Variants in TMEM132C observed in about 807,000 individuals in gnomAD.
The protein encoded by TMEM132C is protein phosphatase 1, regulatory subunit 152.
A neutral mutation model predicts 61.4 loss-of-function variants in TMEM132C; 29 were observed. The observed-to-expected ratio is 0.47, with a 90% CI of 0.35 to 0.64. TMEM132C has a LOEUF of 0.64. Ranked by LOEUF, TMEM132C falls within the 30% of genes least tolerant of loss-of-function variation. The pLI, the probability that TMEM132C is intolerant of heterozygous loss-of-function variation, is 0.00. For synonymous variants in TMEM132C, 656 were observed against 633.1 expected, an observed-to-expected ratio of 1.04 and a Z score of -0.54; for missense variants, 1,408 against 1,476.9, an observed-to-expected ratio of 0.95 and a Z score of 0.76.
chr12:128,461,216 C>T (rs775073593), intron 2 of TMEM132C, among the ~76,000 whole-genome samples: 46 of 152,140 alleles, frequency 3.0e-4, no homozygotes, highest in Non-Finnish European at 5.4e-4. Flanking sequence ...TTAAAATCTA[C>T]ATGTTCTGAT....
chr12:128,291,241 A>C (rs1348358972), intron 1 of TMEM132C, among the ~76,000 whole-genome samples: 1 of 152,258 alleles, frequency 6.6e-6, no homozygotes, highest in Non-Finnish European at 1.5e-5. Context: ...CAAACCTCCC[A>C]GGAGTCATGA....
chr12:128,524,116 GTAC>G (rs771037352), intron 2 of TMEM132C, among the ~76,000 whole-genome samples: 20 of 151,948 alleles, frequency 1.3e-4, no homozygotes, highest in Admixed American at 2.6e-4. Context: ...CCATTTCTCT[GTAC>G]TACAACAACA....
chr12:128,301,509 A>G (rs1871594452), intron 1 of TMEM132C, among the ~76,000 whole-genome samples: 3 of 152,192 alleles, frequency 2.0e-5, no homozygotes, highest in Admixed American at 6.5e-5. Flanking sequence ...TCTAACATCT[A>G]CAAATGACTG....
intron 1 of TMEM132C, among the ~76,000 whole-genome samples, chr12:128,384,080 A>C (rs1874500639): frequency 6.6e-6 from 1 of 152,212 alleles, no homozygotes; most frequent in Non-Finnish European, 1.5e-5. Context: ...CAAATCCTAC[A>C]AAACAAAAAG....
chr12:128,612,542 A>C (rs1876670398), intron 3 of TMEM132C, among the ~76,000 whole-genome samples: 1 of 152,216 alleles, frequency 6.6e-6, no homozygotes, highest in Non-Finnish European at 1.5e-5. Flanking sequence ...AAGTTGATGC[A>C]AACACACTTT....
intron 3 of TMEM132C, among the ~76,000 whole-genome samples, chr12:128,598,572 C>T (rs78113935): frequency 1.5e-3 from 235 of 152,174 alleles, no homozygotes; most frequent in African/African-American, 5.5e-3. Flanking sequence ...GCACATTGCA[C>T]CCCCAGACCA....
intron 2 of TMEM132C, among the ~76,000 whole-genome samples, chr12:128,517,913 G>A (rs933299833): frequency 6.6e-6 from 1 of 152,158 alleles, no homozygotes; most frequent in Non-Finnish European, 1.5e-5. Flanking sequence ...TCCAAAAGGG[G>A]ACATGTCAGC....
intron 1 of TMEM132C, among the ~76,000 whole-genome samples, chr12:128,390,762 C>T (rs1025717244): frequency 6.6e-6 from 1 of 152,190 alleles, no homozygotes; most frequent in African/African-American, 2.4e-5. Context: ...AAATGGGTCA[C>T]AGCCTGGGAA....
chr12:128,304,928 G>A (rs920008847), intron 1 of TMEM132C, among the ~76,000 whole-genome samples: 1 of 152,166 alleles, frequency 6.6e-6, no homozygotes. Context: ...TTCTGACCTG[G>A]CAATGACATG....
intron 1 of TMEM132C, among the ~76,000 whole-genome samples, chr12:128,270,234 G>A (rs12297918): frequency 0.01 from 1,548 of 152,292 alleles, 26 homozygotes; most frequent in African/African-American, 0.035. Flanking sequence ...TCTGAAATCT[G>A]TGGGGGCAAA....
rs559234678 is a variant in TMEM132C, at chr12:128,390,788, C to T, written c.86-23944C>T. ...AGCCTGGGAAGAGCGAAGCCGGGAG[C>T]CCAAGAAAAGGCTGTGGCGCTGTCC... On this transcript the variant is annotated intron_variant, in intron 1 of 8. Transcript: ENST00000435159. Among the ~76,000 whole-genome samples the T allele has an allele frequency of 7.2e-5, 11 of 152,260 alleles. No homozygotes were observed. The East Asian group carries it at 1.9e-3, about 27-fold the overall frequency.
chr12:128,624,628 T>TTTGC (rs1953998544), intron 4 of TMEM132C, among the ~76,000 whole-genome samples: 1 of 151,592 alleles, frequency 6.6e-6, no homozygotes, highest in South Asian at 2.1e-4. Context: ...CTCAGAAACC[T>TTTGC]TTGCTTGGCA....
intron 3 of TMEM132C, among the ~76,000 whole-genome samples, chr12:128,544,352 G>A (rs1217728216): frequency 6.6e-6 from 1 of 152,266 alleles, no homozygotes; most frequent in Admixed American, 6.5e-5. Context: ...TCTCTGCTCT[G>A]ATAGGGCTTG....
intron 1 of TMEM132C, among the ~76,000 whole-genome samples, chr12:128,284,942 C>G (rs1375997769): frequency 6.6e-6 from 1 of 152,080 alleles, no homozygotes; most frequent in Admixed American, 6.5e-5. Context: ...TCAAGACCAG[C>G]CTAGGCAATG....
At chr12:128,454,497 AG>A (rs1870279787) in intron 2 of TMEM132C, among the ~76,000 whole-genome samples, 1 of 152,214 alleles carries the variant, frequency 6.6e-6, no homozygotes, top group African/African-American at 2.4e-5. Context: ...GAAATATAGA[AG>A]GTTAAAATGA....
intron 2 of TMEM132C, among the ~76,000 whole-genome samples, chr12:128,471,006 G>A (rs1473462097): frequency 6.6e-6 from 1 of 152,046 alleles, no homozygotes; most frequent in African/African-American, 2.4e-5. Context: ...TTTGAATCAG[G>A]GTTTCTCAAC....
chr12:128,356,515 A>G (rs555587930), intron 1 of TMEM132C, among the ~76,000 whole-genome samples: 2 of 152,372 alleles, frequency 1.3e-5, no homozygotes, highest in East Asian at 3.9e-4. Flanking sequence ...CTCTCTGAGC[A>G]GCAATAGCTC....
chr12:128,675,681 T>C (rs529515814), intron 5 of TMEM132C, among the ~76,000 whole-genome samples: 2 of 152,126 alleles, frequency 1.3e-5, no homozygotes, highest in South Asian at 4.2e-4. Flanking sequence ...GGTAGATGGA[T>C]AGATGGATGG....
At chr12:128,636,145 G>T (rs1216811973) in intron 4 of TMEM132C, among the ~76,000 whole-genome samples, 1 of 151,898 alleles carries the variant, frequency 6.6e-6, no homozygotes, top group Non-Finnish European at 1.5e-5. Context: ...TGACCTCCTG[G>T]GCTCAAGCAA....
Sources: allele counts gnomAD v4.1 joint callset (sites outside exome capture counted in the v4.1 genomes callset), GRCh38; gene constraint gnomAD v4.1.1; transcripts MANE v1.5; gene names NCBI Gene and HGNC (gene_info 2026-07-23, HGNC 2026-07-21).